Variants in MRC2 observed in about 807,000 individuals in gnomAD.
MRC2 encodes the protein mannose receptor C-type 2, also known as C-type mannose receptor 2.
A neutral mutation model predicts 206.2 loss-of-function variants in MRC2; 84 were observed. That is an observed-to-expected ratio of 0.41 (90% confidence interval 0.34 to 0.49). The LOEUF (loss-of-function observed/expected upper bound fraction) is 0.49, where lower values mean the gene tolerates loss of function less well. MRC2 is among the 20% of genes least tolerant of loss of function. The probability of loss-of-function intolerance (pLI) is 0.31; values close to 1 mark genes in which losing one functional copy is unlikely to be tolerated. For missense variants in MRC2, 1,676 were observed against 2,001.5 expected (o/e 0.84, Z 3.10); for synonymous variants, 798 against 800.0 (o/e 1.00, Z 0.04).
chr17:62,666,362 T>TCC lies in MRC2; in HGVS notation c.695-90_695-89dup. 3 of 1,588,654 alleles carry TCC rather than the reference T, an allele frequency of 1.9e-6. No individual in the cohort carries two copies. Among genetic ancestry groups the TCC allele is most frequent in the Non-Finnish European group, 1.7e-6 (2 of 1,169,422 alleles). On this transcript the variant is annotated intron_variant, in intron 3 of 29. Transcript: ENST00000303375. This position sits in a 1 kb window ranked among gnomAD's most constrained non-coding sequence, Gnocchi z 5.0. ...GGGCCCAGGGTGAGATACTGCCCCC[T>TCC]CCCCTACCTAGTGTAGCCTTTTGGT...
chr17:62,688,608 A>G lies in MRC2; in HGVS notation c.3169A>G (p.Asn1057Asp). ...WVEQEPLMYA[N>D]WAPGEPSGPS... is the part of the protein sequence containing the mutation. The stretch of plus-strand genomic sequence containing the variant: ...GGAGCAGGAGCCTTTGATGTATGCC[A>G]ACTGGGCACCTGGGGAGCCCTCTGG... Residue 1057 changes from asparagine (N) to aspartate (D), a missense_variant, in exon 22 of 30, where the codon AAC becomes GAC. Around this residue, in one of 3 missense-constraint regions of MRC2, gnomAD observed 1,354 missense variants for 1,636.6 expected, o/e 0.83. Coordinates refer to ENST00000303375, the MANE Select transcript of MRC2 (RefSeq NM_006039.5). 2 of 1,614,196 alleles carry G rather than the reference A, an allele frequency of 1.2e-6. No homozygotes were observed. Among genetic ancestry groups the G allele is most frequent in the Non-Finnish European group, 1.7e-6 (2 of 1,180,038 alleles).
chr17:62,693,458 G>A lies in MRC2; in HGVS notation c.*1007G>A, dbSNP rs551540731. 3.3e-5 allele frequency: 5 copies of A among 152,694 alleles called. No homozygotes were observed. Among genetic ancestry groups the A allele is most frequent in the African/African-American group, 9.6e-5 (4 of 41,550 alleles). The allele number at this position is 152,694 out of a possible 1,614,324, so 9.5% of individuals were successfully genotyped here. On this transcript the variant is annotated 3_prime_UTR_variant, in exon 30 of 30. Transcript: ENST00000303375. ...ATGCGGCCCATCCTGGTGCGACAGC[G>A]TGGGACAATGTGAACATGGACTCGA...
intron 1 of MRC2, among the ~76,000 whole-genome samples, chr17:62,632,124 G>GA (rs1568046022): frequency 6.6e-6 from 1 of 152,056 alleles, no homozygotes; most frequent in Non-Finnish European, 1.5e-5. Context: ...GGGCCCTGCA[G>GA]ATCTGTCACT....
chr17:62,691,070 A>C lies in MRC2; in HGVS notation c.4134A>C (p.Leu1378=). The change falls in exon 28 of 30, where the codon CTA becomes CTC. Residue 1378 remains leucine, a synonymous_variant. Coordinates refer to ENST00000303375, the MANE Select transcript of MRC2 (RefSeq NM_006039.5). The part of the protein sequence containing the change: ...SCYWIQSNSG[L]WRPGACTNIT... The stretch of plus-strand genomic sequence containing the variant: ...ACTGGATTCAGAGCAACAGCGGGCT[A>C]TGGCGCCCCGGCGCTTGCACCAACA... 6.2e-7 allele frequency: 1 copy of C among 1,610,098 alleles called. No homozygotes were observed. Among genetic ancestry groups the C allele is most frequent in the Non-Finnish European group, 8.5e-7 (1 of 1,178,992 alleles).
At chr17:62,635,191 C>CTTTTTTTTTT (rs35446845) in intron 1 of MRC2, among the ~76,000 whole-genome samples, 5 of 101,728 alleles carry the variant, frequency 4.9e-5, no homozygotes, top group Non-Finnish European at 5.8e-5. Flanking sequence ...CTATTTTTCT[C>CTTTTTTTTTT]TTTTTTTTTT....
Position 62,627,945 on chromosome 17 carries a change from C to T in MRC2, c.118+25C>T, listed in dbSNP as rs748969209. The T allele has an allele frequency of 4.3e-6, 6 of 1,385,030 alleles. No individual in the cohort carries two copies. The South Asian group carries it at 9.3e-5, about 21-fold the overall frequency. The allele number at this position is 1,385,030 out of a possible 1,614,324, so 85.8% of individuals were successfully genotyped here. A position where few individuals can be genotyped will look rare whatever the true frequency, so the allele number is the denominator to read the frequency against. ...GGTAAGGCGCTGCCAACTTGGCCAA[C>T]TTCAGGGCCCGGGCGGGGGGAGCGC... is the stretch of plus-strand genomic sequence containing the variant. On this transcript the variant is annotated intron_variant, in intron 1 of 29. Coordinates refer to ENST00000303375, the MANE Select transcript of MRC2 (RefSeq NM_006039.5).
chr17:62,690,818 C>T (rs574255234), intron 27 of MRC2, 57 bp downstream of exon 27: 10 of 1,526,020 alleles, frequency 6.6e-6, no homozygotes, highest in Non-Finnish European at 5.3e-6. Flanking sequence ...AGGGGCTGCC[C>T]TCCACTTTGC....
intron 1 of MRC2, among the ~76,000 whole-genome samples, chr17:62,629,227 C>G (rs532368544): frequency 2.6e-5 from 4 of 152,194 alleles, no homozygotes; most frequent in Admixed American, 6.5e-5. Flanking sequence ...TGCGCAGGGC[C>G]TCAGGAGGCA....
At chr17:62,669,273 G>A (rs1227418531) in intron 6 of MRC2, among the ~76,000 whole-genome samples, 1 of 152,108 alleles carries the variant, frequency 6.6e-6, no homozygotes, top group Admixed American at 6.5e-5. Flanking sequence ...GGAGTGTAGT[G>A]GTGCGATCTT....
Position 62,692,565 on chromosome 17 carries a change from G to A in MRC2, c.*114G>A, listed in dbSNP as rs1336049740. On this transcript the variant is annotated 3_prime_UTR_variant, in exon 30 of 30. Transcript: ENST00000303375. This position sits in a 1 kb window ranked among gnomAD's most constrained non-coding sequence, Gnocchi z 4.2. ...TTGGCCTATGGAAGGGTGCCCTTGG[G>A]AGTCGCTGTTGGGAGCCGGAGCTGG... is the stretch of plus-strand genomic sequence containing the variant. 1.8e-6 allele frequency: 2 copies of A among 1,123,136 alleles called. No homozygotes were observed. Among genetic ancestry groups the A allele is most frequent in the African/African-American group, 1.6e-5 (1 of 64,478 alleles). The allele number at this position is 1,123,136 out of a possible 1,614,324, so 69.6% of individuals were successfully genotyped here.
At chr17:62,647,222 C>T (rs1379272244) in intron 1 of MRC2, among the ~76,000 whole-genome samples, 52 of 132,102 alleles carry the variant, frequency 3.9e-4, no homozygotes, top group African/African-American at 1.1e-3. Context: ...CTTGCTCTAT[C>T]GCCCATGCTG....
In MRC2 at chr17:62,664,693, G is replaced by C. The variant is rs376738514; in HGVS notation, c.264G>C (p.Leu88=). Residue 88 remains leucine, a synonymous_variant, in exon 2 of 30, where the codon CTG becomes CTC. Transcript: ENST00000303375. This position sits in a 1 kb window ranked among gnomAD's most constrained non-coding sequence, Gnocchi z 4.7. ...KWVSRNRLFN[L]GTMQCLGTGW... ...TCTCCCGAAACCGGCTATTCAACCT[G>C]GGTACCATGCAGTGCCTGGGCACAG... 3 of 1,614,038 alleles carry C rather than the reference G, an allele frequency of 1.9e-6. No individual in the cohort carries two copies. The highest frequency in any genetic ancestry group is 2.5e-6 in the Non-Finnish European group (3 of 1,180,046).
chr17:62,666,104 C>T lies in MRC2; in HGVS notation c.531C>T (p.Thr177=). ...GTCCACCCCCTGCAGAGGTCTACAC[C>T]ATCCAGGGAAACTCCCACGGAAAGC... ...LCALPYHEVY[T]IQGNSHGKPC... is the part of the protein sequence containing the mutation. The change falls in exon 3 of 30, where the codon ACC becomes ACT. Residue 177 remains threonine, a synonymous_variant. Transcript: ENST00000303375. This position sits in a 1 kb window ranked among gnomAD's most constrained non-coding sequence, Gnocchi z 5.0. 6.3e-7 allele frequency: 1 copy of T among 1,590,312 alleles called. No individual in the cohort carries two copies. The highest frequency in any genetic ancestry group is 8.6e-7 in the Non-Finnish European group (1 of 1,167,790).
Position 62,689,733 on chromosome 17 carries a change from G to C in MRC2, c.3546G>C (p.Pro1182=). 2 of 1,559,550 alleles carry C rather than the reference G, an allele frequency of 1.3e-6. No individual in the cohort carries two copies. Among genetic ancestry groups the C allele is most frequent in the Non-Finnish European group, 1.7e-6 (2 of 1,153,516 alleles). ...LTQAARGLRT[P]LWIGLAGEEG... ...AGGCTGCCCGAGGGCTGCGCACGCCGCTCTGGATTGGGCTGGCTGGCGAGG... is the reference window on the plus strand; with the variant it reads ...AGGCTGCCCGAGGGCTGCGCACGCCCCTCTGGATTGGGCTGGCTGGCGAGG... Residue 1182 remains proline, a synonymous_variant, in exon 24 of 30, where the codon CCG becomes CCC. Coordinates refer to ENST00000303375, the MANE Select transcript of MRC2 (RefSeq NM_006039.5).
rs572885142 is a variant in MRC2 at position 62,670,018 on chromosome 17, C to T, written c.1118-1631C>T. On this transcript the variant is annotated intron_variant, in intron 6 of 29. Transcript: ENST00000303375. ...ACAAGCACCTTTCTGAAGGAAGGGG[C>T]CCGCTGGGAGGCCCGGGTGTGGGCA... 1.1e-4 allele frequency among the ~76,000 whole-genome samples: 17 copies of T among 152,246 alleles called. No individual in the cohort carries two copies. In the South Asian group the frequency reaches 3.5e-3, roughly 32 times the overall value.
intron 18 of MRC2, 74 bp from the exon 19 acceptor site, chr17:62,681,763 C>A: frequency 2.5e-6 from 3 of 1,186,304 alleles, no homozygotes; most frequent in Non-Finnish European, 3.7e-6. Context: ...ATTCCTGCGG[C>A]CTTCATTGCT....
chr17:62,640,243 A>G (rs145738612), intron 1 of MRC2, among the ~76,000 whole-genome samples: 2 of 152,124 alleles, frequency 1.3e-5, no homozygotes, highest in African/African-American at 2.4e-5. Flanking sequence ...CATACTGGAA[A>G]CAAGATGCAT....
At position 62,689,669 on chromosome 17, in the gene MRC2, C is replaced by T. The variant is rs765413781; in HGVS notation, c.3482C>T (p.Ala1161Val). Residue 1161 changes from alanine (A) to valine (V), a missense_variant, in exon 24 of 30, where the codon GCC becomes GTC. Ala to Val is a moderately conservative substitution (Grantham distance 64). Around this residue, in one of 3 missense-constraint regions of MRC2, gnomAD observed 1,354 missense variants for 1,636.6 expected, o/e 0.83. Coordinates refer to ENST00000303375, the MANE Select transcript of MRC2 (RefSeq NM_006039.5). Reference protein sequence around the residue: ...LLCESRNASLAYVPDPYTQAF... With the variant: ...LLCESRNASLVYVPDPYTQAF... ...TGTGAGAGCCGCAATGCCAGCCTGGCCTACGTGCCCGACCCCTACACCCAG... is the reference window on the plus strand; with the variant it reads ...TGTGAGAGCCGCAATGCCAGCCTGGTCTACGTGCCCGACCCCTACACCCAG... The T allele has an allele frequency of 5.7e-6, 9 of 1,589,644 alleles. No homozygotes were observed. The East Asian group carries it at 2.0e-4, about 36-fold the overall frequency.
At chr17:62,645,734 T>C (rs927772001) in intron 1 of MRC2, among the ~76,000 whole-genome samples, 1 of 150,622 alleles carries the variant, frequency 6.6e-6, no homozygotes, top group Non-Finnish European at 1.5e-5. Context: ...GAGATGGGTT[T>C]TTGCCATGTT....
Sources: gnomAD v4.1 joint callset for allele counts (sites outside exome capture counted in the v4.1 genomes callset) on GRCh38, gnomAD v4.1.1 for gene constraint, gnomAD v4.1.1 regional missense constraint, Gnocchi (gnomAD v3.1) non-coding constraint, MANE v1.5 for transcripts, NCBI Gene and HGNC (gene_info 2026-07-23, HGNC 2026-07-21) for gene names.